The following CCDC15 variants were observed in gnomAD, a reference collection of about 807,000 sequenced individuals.
The protein encoded by CCDC15 is coiled-coil domain containing 15.
In CCDC15, 105 loss-of-function variants were observed where a neutral mutation model predicts 114.5. The ratio of observed to expected loss-of-function variants is 0.92; its 90% CI spans 0.78 to 1.08. The LOEUF (loss-of-function observed/expected upper bound fraction) is 1.08, where lower values mean the gene tolerates loss of function less well. CCDC15 is among the 50% of genes least tolerant of loss of function. CCDC15 has a pLI of 0.00. For synonymous variants in CCDC15, 334 were observed against 377.8 expected (o/e 0.88, Z 1.34); for missense variants, 1,105 against 1,093.6 (o/e 1.01, Z -0.15).
chr11:124,977,706 C>T (rs1241246363), intron 6 of CCDC15, 106 bp downstream of exon 6: 42 of 1,149,044 alleles, frequency 3.7e-5, no homozygotes, highest in East Asian at 8.1e-5. Context: ...TTTTTTTTAA[C>T]GGACTTTATT....
At chr11:125,009,211 G>A (rs1164042798) in intron 13 of CCDC15, among the ~76,000 whole-genome samples, 1 of 123,432 alleles carries the variant, frequency 8.1e-6, no homozygotes, top group African/African-American at 3.2e-5. Flanking sequence ...TGGGCAATAA[G>A]AGCGAAACTC....
At chr11:124,968,256 T>C (rs12277161) in intron 4 of CCDC15, among the ~76,000 whole-genome samples, 30,953 of 150,474 alleles carry the variant, frequency 0.21, 3,750 homozygotes, top group African/African-American at 0.34. Flanking sequence ...GCCCTGACCC[T>C]GGAGGTGGAG....
At chr11:125,037,196 A>G (rs1948781216) in intron 13 of CCDC15, among the ~76,000 whole-genome samples, 1 of 152,108 alleles carries the variant, frequency 6.6e-6, no homozygotes, top group African/African-American at 2.4e-5. Context: ...ACTTGCTTTT[A>G]TAACTTGTTA....
chr11:124,993,313 A>G lies in CCDC15; in HGVS notation c.2214+70A>G, dbSNP rs188071011. 6 of 1,032,518 alleles carry G rather than the reference A, an allele frequency of 5.8e-6. No individual in the cohort carries two copies. The East Asian group carries it at 1.5e-4, about 26-fold the overall frequency. The allele number at this position is 1,032,518 out of a possible 1,614,324, so 64.0% of individuals were successfully genotyped here. On this transcript the variant is annotated intron_variant, in intron 11 of 15. Transcript: ENST00000344762. ...TAGAGCAGAATATAGTGAGTAAGTAACAGAGTGTAAATTGCTTTTTTTTTG... is the reference window on the plus strand; with the variant it reads ...TAGAGCAGAATATAGTGAGTAAGTAGCAGAGTGTAAATTGCTTTTTTTTTG...
intron 13 of CCDC15, among the ~76,000 whole-genome samples, chr11:125,024,935 T>C (rs1211162016): frequency 6.8e-6 from 1 of 146,344 alleles, no homozygotes; most frequent in Non-Finnish European, 1.5e-5. Context: ...ACTGAGAAAG[T>C]GTTCTCTTCC....
chr11:125,026,764 T>TG (rs761309848), intron 13 of CCDC15, among the ~76,000 whole-genome samples: 2 of 152,186 alleles, frequency 1.3e-5, no homozygotes, highest in Non-Finnish European at 2.9e-5. Flanking sequence ...CAATAGCTGT[T>TG]GGGGAACAGA....
intron 11 of CCDC15, among the ~76,000 whole-genome samples, chr11:125,001,564 C>A (rs1265973355): frequency 6.6e-6 from 1 of 152,202 alleles, no homozygotes; most frequent in Non-Finnish European, 1.5e-5. Context: ...TTCCCTTTAG[C>A]CCCACCTCCA....
At chr11:124,966,087 C>G (rs7926251) in intron 4 of CCDC15, among the ~76,000 whole-genome samples, 1 of 151,856 alleles carries the variant, frequency 6.6e-6, no homozygotes, top group African/African-American at 2.4e-5. Flanking sequence ...GGAATAAGTG[C>G]GATGTGGTGC....
At chr11:125,027,337 C>G (rs1348078323) in intron 13 of CCDC15, among the ~76,000 whole-genome samples, 1 of 152,176 alleles carries the variant, frequency 6.6e-6, no homozygotes, top group Non-Finnish European at 1.5e-5. Flanking sequence ...AGTGGTTGCA[C>G]TAGTTTACAT....
intron 14 of CCDC15, 130 bp from the exon 15 acceptor site, chr11:125,038,791 T>G: frequency 1.6e-6 from 2 of 1,277,658 alleles, no homozygotes; most frequent in Non-Finnish European, 2.2e-6. Context: ...TTTTTCCCAG[T>G]ACAAAGAGGA....
intron 6 of CCDC15, 24 bp from the exon 7 acceptor site, chr11:124,986,718 C>CGCGG: frequency 4.6e-6 from 7 of 1,529,810 alleles, no homozygotes; most frequent in Admixed American, 2.1e-5. Context: ...CGCGCGTGCG[C>CGCGG]GTTTTCATTG....
chr11:124,955,046 A>G (rs1398511006), intron 2 of CCDC15, 137 bp downstream of exon 2: 1 of 801,206 alleles, frequency 1.2e-6, no homozygotes, highest in South Asian at 1.9e-5. Flanking sequence ...ATGCTCTTGC[A>G]TTAGGATTAT....
intron 4 of CCDC15, among the ~76,000 whole-genome samples, chr11:124,967,720 T>G (rs1220534676): frequency 2.6e-5 from 4 of 152,210 alleles, no homozygotes; most frequent in Non-Finnish European, 5.9e-5. Flanking sequence ...GTGCTCTGGT[T>G]TTTAGAATTT....
intron 13 of CCDC15, among the ~76,000 whole-genome samples, chr11:125,022,777 A>C (rs541720432): frequency 6.6e-6 from 1 of 152,032 alleles, no homozygotes; most frequent in South Asian, 2.1e-4. Context: ...TCAGAAAACA[A>C]TAGCTCATTT....
intron 13 of CCDC15, among the ~76,000 whole-genome samples, chr11:125,025,129 A>AAT (rs61685155): frequency 0.14 from 17,805 of 127,168 alleles, 1,644 homozygotes; most frequent in African/African-American, 0.24. Context: ...TATATATATG[A>AAT]ATATATATGA....
intron 11 of CCDC15, among the ~76,000 whole-genome samples, chr11:124,997,517 G>A (rs972033592): frequency 2.0e-5 from 3 of 151,724 alleles, no homozygotes; most frequent in African/African-American, 4.8e-5. Flanking sequence ...TTGAGCTCCC[G>A]GCCTCAAGTG....
intron 11 of CCDC15, among the ~76,000 whole-genome samples, chr11:125,002,938 C>T (rs766974851): frequency 6.6e-5 from 10 of 152,056 alleles, no homozygotes; most frequent in Non-Finnish European, 1.3e-4. Flanking sequence ...CAAGAATCAA[C>T]TGACATTTTG....
chr11:124,964,113 G>A (rs996054617), intron 4 of CCDC15, among the ~76,000 whole-genome samples: 1 of 152,024 alleles, frequency 6.6e-6, no homozygotes, highest in Non-Finnish European at 1.5e-5. Flanking sequence ...TAGGATTGTC[G>A]TGGCAATGCG....
intron 6 of CCDC15, among the ~76,000 whole-genome samples, chr11:124,984,379 G>A (rs1412532587): frequency 6.6e-6 from 1 of 152,068 alleles, no homozygotes; most frequent in African/African-American, 2.4e-5. Flanking sequence ...TGCACTGCAA[G>A]CAGGGCTGGG....
Sources: allele counts gnomAD v4.1 joint callset (sites outside exome capture counted in the v4.1 genomes callset), GRCh38; gene constraint gnomAD v4.1.1; transcripts MANE v1.5; gene names NCBI Gene and HGNC (gene_info 2026-07-23, HGNC 2026-07-21).